The following DYM variants were observed in gnomAD, a reference collection of about 807,000 sequenced individuals.
The protein encoded by DYM is dyggve-Melchior-Clausen syndrome protein.
In DYM, 78 loss-of-function variants were observed where a neutral mutation model predicts 93.1. The ratio of observed to expected loss-of-function variants is 0.84; its 90% confidence interval spans 0.70 to 1.01. DYM has a LOEUF of 1.01. Ranked by LOEUF, DYM falls within the 50% of genes least tolerant of loss-of-function variation. The probability of loss-of-function intolerance (pLI) is 0.00; values close to 1 mark genes in which losing one functional copy is unlikely to be tolerated. For missense variants in DYM, 789 were observed against 845.0 expected, an observed-to-expected ratio of 0.93 and a Z score of 0.82; for synonymous variants, 321 against 319.7, an observed-to-expected ratio of 1.00 and a Z score of -0.04.
intron 1 of DYM, among the ~76,000 whole-genome samples, chr18:49,434,037 C>A (rs1568438580): frequency 6.6e-6 from 1 of 152,112 alleles, no homozygotes; most frequent in Non-Finnish European, 1.5e-5. Context: ...GGATGAAACC[C>A]TGTCTCTATT....
chr18:49,209,217 G>C (rs566497700), intron 14 of DYM, among the ~76,000 whole-genome samples: 1 of 152,294 alleles, frequency 6.6e-6, no homozygotes, highest in Admixed American at 6.5e-5. Context: ...AGTAACTGTA[G>C]AGTCTATTTC....
intron 15 of DYM, among the ~76,000 whole-genome samples, chr18:49,138,839 G>A (rs767038426): frequency 2.0e-5 from 3 of 152,114 alleles, no homozygotes; most frequent in African/African-American, 7.2e-5. Flanking sequence ...TACAGGAAGT[G>A]TCCGATTTAA....
intron 2 of DYM, among the ~76,000 whole-genome samples, chr18:49,399,242 G>C (rs1459583463): frequency 1.3e-5 from 2 of 152,160 alleles, no homozygotes; most frequent in Admixed American, 6.5e-5. Context: ...AGGAATCAAA[G>C]AGGCTATCCT....
At position 49,286,554 on chromosome 18, in the gene DYM, G is replaced by A; in HGVS notation, c.826C>T (p.Leu276Phe). 8 of 1,614,130 alleles carry A rather than the reference G, an allele frequency of 5.0e-6. No individual in the cohort carries two copies. The highest frequency in any genetic ancestry group is 6.8e-6 in the Non-Finnish European group (8 of 1,179,996). Residue 276 changes from leucine (L) to phenylalanine (F), a missense_variant, in exon 9 of 18, where the codon CTT becomes TTT. Leu to Phe is a conservative substitution (Grantham distance 22, BLOSUM62 0). Around this residue, in one of 3 missense-constraint regions of DYM, gnomAD observed 450 missense variants for 436.2 expected, o/e 1.03. Coordinates refer to ENST00000675505, the MANE Select transcript of DYM (RefSeq NM_001353214.3). ...VGSKAAASPE[L>F]SSPLANQSLL... ...CTCTGGTTGGCCAGAGGGGAAGAAA[G>A]CTCTGGAGAGGCAGCCGCTTTGCTG...
At chr18:49,231,789 C>G (rs2093702940) in intron 13 of DYM, among the ~76,000 whole-genome samples, 1 of 152,116 alleles carries the variant, frequency 6.6e-6, no homozygotes, top group African/African-American at 2.4e-5. Context: ...ACATCTGGAG[C>G]TAAAAAGTCA....
intron 17 of DYM, among the ~76,000 whole-genome samples, chr18:49,050,700 C>G (rs140237861): frequency 2.6e-4 from 39 of 152,160 alleles, no homozygotes; most frequent in African/African-American, 8.9e-4. Flanking sequence ...CAGGCACTTC[C>G]TGCTTCACTA....
At chr18:49,124,718 A>G (rs2082663212) in intron 15 of DYM, among the ~76,000 whole-genome samples, 2 of 152,190 alleles carry the variant, frequency 1.3e-5, no homozygotes, top group South Asian at 4.1e-4. Context: ...AGATTTATAA[A>G]TTAAATGACA....
intron 1 of DYM, among the ~76,000 whole-genome samples, chr18:49,458,037 C>G (rs2083151508): frequency 6.6e-6 from 1 of 152,190 alleles, no homozygotes; most frequent in Non-Finnish European, 1.5e-5. Flanking sequence ...ACTTTGACTT[C>G]TAACCTACAG....
chr18:49,111,471 G>A (rs1368637351), intron 16 of DYM, among the ~76,000 whole-genome samples: 1 of 151,958 alleles, frequency 6.6e-6, no homozygotes, highest in Non-Finnish European at 1.5e-5. Context: ...TAGAACTGTA[G>A]AGACTGACAG....
intron 17 of DYM, among the ~76,000 whole-genome samples, chr18:49,080,572 C>T (rs1286223821): frequency 1.8e-4 from 23 of 127,740 alleles, no homozygotes; most frequent in South Asian, 1.1e-3. Context: ...CCGGACGGGG[C>T]GGCTGGCCGG....
At chr18:49,421,010 C>T (rs529573367) in intron 2 of DYM, among the ~76,000 whole-genome samples, 12 of 152,126 alleles carry the variant, frequency 7.9e-5, no homozygotes, top group Non-Finnish European at 1.3e-4. Context: ...ACAAAGCAGC[C>T]GGGAAGCCCA....
At chr18:49,196,962 G>A (rs1267349064) in intron 14 of DYM, among the ~76,000 whole-genome samples, 2 of 152,170 alleles carry the variant, frequency 1.3e-5, no homozygotes, top group African/African-American at 2.4e-5. Context: ...TTATATTTTG[G>A]ATAGAGAACT....
At chr18:49,197,862 C>T (rs1600549432) in intron 14 of DYM, among the ~76,000 whole-genome samples, 1 of 152,120 alleles carries the variant, frequency 6.6e-6, no homozygotes, top group Non-Finnish European at 1.5e-5. Context: ...ACCTTCTTCA[C>T]AGAATTGGAA....
At chr18:49,422,492 AGG>A (rs1568418236) in intron 2 of DYM, among the ~76,000 whole-genome samples, 62 of 152,212 alleles carry the variant, frequency 4.1e-4, no homozygotes, top group African/African-American at 1.5e-3. Context: ...CATCAACTAA[AGG>A]GCAAAATAAC....
intron 3 of DYM, among the ~76,000 whole-genome samples, chr18:49,387,795 C>T (rs1157886292): frequency 6.6e-6 from 1 of 152,068 alleles, no homozygotes; most frequent in Non-Finnish European, 1.5e-5. Context: ...GCAATACTGG[C>T]TTTATCTCAG....
intron 5 of DYM, among the ~76,000 whole-genome samples, chr18:49,367,342 G>A (rs1013902172): frequency 6.6e-6 from 1 of 152,168 alleles, no homozygotes; most frequent in Non-Finnish European, 1.5e-5. Flanking sequence ...TTCACCAGGG[G>A]AAGAAGTAGA....
At chr18:49,185,952 G>C (rs376590201) in intron 14 of DYM, among the ~76,000 whole-genome samples, 3 of 152,024 alleles carry the variant, frequency 2.0e-5, no homozygotes, top group African/African-American at 7.2e-5. Context: ...ACACCTTCCT[G>C]TTTAGTTTTT....
At chr18:49,232,268 A>C (rs1200391599) in intron 13 of DYM, among the ~76,000 whole-genome samples, 1 of 149,658 alleles carries the variant, frequency 6.7e-6, no homozygotes, top group African/African-American at 2.5e-5. Flanking sequence ...CGGAAATTCT[A>C]CTTGATTGAA....
At chr18:49,117,941 C>T (rs2082048551) in intron 16 of DYM, among the ~76,000 whole-genome samples, 1 of 151,522 alleles carries the variant, frequency 6.6e-6, no homozygotes, top group Non-Finnish European at 1.5e-5. Context: ...TCGTGATCTG[C>T]CCATCTCGGC....
Sources: gnomAD v4.1 joint callset for allele counts (sites outside exome capture counted in the v4.1 genomes callset) on GRCh38, gnomAD v4.1.1 for gene constraint, gnomAD v4.1.1 regional missense constraint, MANE v1.5 for transcripts, NCBI Gene and HGNC (gene_info 2026-07-23, HGNC 2026-07-21) for gene names.